Variants in SGTA observed in about 807,000 individuals in gnomAD.
SGTA encodes the protein small glutamine rich tetratricopeptide repeat co-chaperone alpha, also known as small glutamine-rich tetratricopeptide repeat-containing protein alpha.
SGTA carries 22 observed loss-of-function variants against 44.3 expected under a neutral mutation model. That is an observed-to-expected ratio of 0.50 (90% CI 0.36 to 0.71). The LOEUF (loss-of-function observed/expected upper bound fraction) is 0.71. Ranked by LOEUF, SGTA falls within the 30% of genes least tolerant of loss-of-function variation. SGTA has a pLI of 0.00. For missense variants in SGTA, 341 were observed against 435.9 expected (o/e 0.78, Z 1.94); for synonymous variants, 174 against 177.6 (o/e 0.98, Z 0.16).
At chr19:2,772,795 C>T (rs913165441) in intron 1 of SGTA, among the ~76,000 whole-genome samples, 1 of 144,118 alleles carries the variant, frequency 6.9e-6, no homozygotes, top group East Asian at 2.0e-4. Flanking sequence ...GCAGGGACAC[C>T]GAGGGCAGAG....
rs1915053527 is a variant in SGTA at position 2,763,285 on chromosome 19, C to T, written c.497+368G>A. ...CGCAGGCTCCTGCCCCGGGGACCCT[C>T]CTGGCCTCACTCTCGGACCTGTCCT... On this transcript the variant is annotated intron_variant, in intron 6 of 11. Transcript: ENST00000221566. This position sits in a 1 kb window ranked among gnomAD's most constrained non-coding sequence, Gnocchi z 5.8. Among the ~76,000 whole-genome samples the T allele has an allele frequency of 2.0e-5, 3 of 152,210 alleles. No individual in the cohort carries two copies. The highest frequency in any genetic ancestry group is 1.3e-4 in the Admixed American group (2 of 15,276).
chr19:2,759,135 A>G, intron 9 of SGTA, 122 bp downstream of exon 9: 1 of 844,628 alleles, frequency 1.2e-6, no homozygotes, highest in African/African-American at 1.7e-5. Context: ...TGACAGTGTG[A>G]AAGTCCTTAA....
intron 7 of SGTA, among the ~76,000 whole-genome samples, 170 bp downstream of exon 7, chr19:2,762,336 T>C (rs1399254295): frequency 6.6e-6 from 1 of 152,156 alleles, no homozygotes; most frequent in Non-Finnish European, 1.5e-5. Context: ...GGCATGAACC[T>C]TCTCACGACA....
intron 2 of SGTA, 71 bp downstream of exon 2, chr19:2,768,898 C>G (rs2144731142): frequency 1.8e-6 from 2 of 1,105,846 alleles, no homozygotes; most frequent in Middle Eastern, 2.3e-4. Context: ...ATCTACACAC[C>G]AGGTGTCTAC....
rs952971228 is a variant in SGTA at position 2,767,298 on chromosome 19, G to C, written c.208-78C>G. 5 of 1,119,234 alleles carry C rather than the reference G, an allele frequency of 4.5e-6. No individual in the cohort carries two copies. Among genetic ancestry groups the C allele is most frequent in the Non-Finnish European group, 6.5e-6 (5 of 771,598 alleles). 69.3% of individuals were successfully genotyped at this position (1,119,234 alleles called of 1,614,324 possible). A position where few individuals can be genotyped will look rare whatever the true frequency, so the allele number is the denominator to read the frequency against. ...CTCCGGCCTTAGCTTCCCTCGGGAC[G>C]CCAGAGAGGGCCACCAAGTTCCGAA... is the stretch of plus-strand genomic sequence containing the variant. On this transcript the variant is annotated intron_variant, in intron 3 of 11. Coordinates refer to ENST00000221566, the MANE Select transcript of SGTA (RefSeq NM_003021.4). This position sits in a 1 kb window ranked among gnomAD's most constrained non-coding sequence, Gnocchi z 7.3.
Position 2,763,377 on chromosome 19 carries a change from T to G in SGTA, c.497+276A>C, listed in dbSNP as rs1915056219. 6.6e-6 allele frequency among the ~76,000 whole-genome samples: 1 copy of G among 152,012 alleles called. No homozygotes were observed. The highest frequency in any genetic ancestry group is 6.6e-5 in the Admixed American group (1 of 15,266). On this transcript the variant is annotated intron_variant, in intron 6 of 11. Coordinates refer to ENST00000221566, the MANE Select transcript of SGTA (RefSeq NM_003021.4). The surrounding 1 kb of genome is among the most constrained non-coding windows in gnomAD (Gnocchi z 5.8). ...AGCCGCCCCAGCAAACAATGGAGCC[T>G]GAGTAGGAGCCATGGGAACCCCAGG...
chr19:2,758,168 G>A (rs539224863), intron 9 of SGTA, among the ~76,000 whole-genome samples: 7 of 152,278 alleles, frequency 4.6e-5, no homozygotes, highest in Admixed American at 1.3e-4. Context: ...TGCCCAGGAC[G>A]GCCCTGCTCC....
At chr19:2,774,406 T>C (rs2144737957) in intron 1 of SGTA, among the ~76,000 whole-genome samples, 1 of 152,286 alleles carries the variant, frequency 6.6e-6, no homozygotes, top group South Asian at 2.1e-4. Context: ...CTCACTGTGC[T>C]GCGGTCCCAG....
chr19:2,759,529 G>A lies in SGTA; in HGVS notation c.700-235C>T, dbSNP rs192953536. ...TGTTTTGGGTTCCTGCTTCAGGAGCGATCTCGCAGCGCCACAGCGCTCTCT... is the reference window on the plus strand; with the variant it reads ...TGTTTTGGGTTCCTGCTTCAGGAGCAATCTCGCAGCGCCACAGCGCTCTCT... On this transcript the variant is annotated intron_variant, in intron 8 of 11. Transcript: ENST00000221566. 1.2e-4 allele frequency: 64 copies of A among 547,840 alleles called. No individual in the cohort carries two copies. In the East Asian group the frequency reaches 1.7e-3, roughly 14 times the overall value. The allele number at this position is 547,840 out of a possible 1,614,324, so 33.9% of individuals were successfully genotyped here. A position where few individuals can be genotyped will look rare whatever the true frequency, so the allele number is the denominator to read the frequency against.
chr19:2,761,870 A>C lies in SGTA; in HGVS notation c.637-348T>G, dbSNP rs1190367406. 7.0e-6 allele frequency among the ~76,000 whole-genome samples: 1 copy of C among 143,308 alleles called. No homozygotes were observed. The highest frequency in any genetic ancestry group is 1.5e-5 in the Non-Finnish European group (1 of 66,498). The allele number at this position is 143,308 out of a possible 152,430, so 94.0% of individuals were successfully genotyped here. On this transcript the variant is annotated intron_variant, in intron 7 of 11. Coordinates refer to ENST00000221566, the MANE Select transcript of SGTA (RefSeq NM_003021.4). The surrounding 1 kb of genome is among the most constrained non-coding windows in gnomAD (Gnocchi z 5.7). The stretch of plus-strand genomic sequence containing the variant: ...CCGCCCGGGGACGGCACAGTCTATC[A>C]TCCCGTGTTTATTCCCCGTACAGCG...
intron 1 of SGTA, among the ~76,000 whole-genome samples, chr19:2,769,491 A>G (rs929793369): frequency 6.6e-6 from 1 of 152,214 alleles, no homozygotes; most frequent in Non-Finnish European, 1.5e-5. Flanking sequence ...TCCACTCCAG[A>G]GAACGATCCA....
intron 1 of SGTA, among the ~76,000 whole-genome samples, chr19:2,780,077 GACCCTGTCTCTAAAA>G (rs1418809632): frequency 1.3e-5 from 2 of 152,090 alleles, no homozygotes; most frequent in Non-Finnish European, 2.9e-5. Flanking sequence ...GACAAAGTGA[GACCCTGTCTCTAAAA>G]ACAAACAAAA....
chr19:2,761,598 C>T lies in SGTA; in HGVS notation c.637-76G>A. ...TGAATAACCCCCTGGAACTCAGAAA[C>T]AACGGCCCCCCACGGGGCTCAGACA... On this transcript the variant is annotated intron_variant, in intron 7 of 11. Transcript: ENST00000221566. This position sits in a 1 kb window ranked among gnomAD's most constrained non-coding sequence, Gnocchi z 5.7. 8.1e-7 allele frequency: 1 copy of T among 1,228,886 alleles called. No homozygotes were observed. The highest frequency in any genetic ancestry group is 1.2e-6 in the Non-Finnish European group (1 of 856,928). The allele number at this position is 1,228,886 out of a possible 1,614,324, so 76.1% of individuals were successfully genotyped here.
At position 2,773,982 on chromosome 19, in the gene SGTA, A is replaced by G. The variant is rs55714445; in HGVS notation, c.-23-4891T>C. On this transcript the variant is annotated intron_variant, in intron 1 of 11. Coordinates refer to ENST00000221566, the MANE Select transcript of SGTA (RefSeq NM_003021.4). ...GGTGACGCGGCCACAGGGCAGGGAC[A>G]CCGAGGGCAGAGATGGGTGACGCGG... is the stretch of plus-strand genomic sequence containing the variant. 4.0e-4 allele frequency among the ~76,000 whole-genome samples: 31 copies of G among 77,504 alleles called. No homozygotes were observed. The East Asian group carries it at 4.5e-3, about 11-fold the overall frequency. 50.8% of individuals were successfully genotyped at this position (77,504 alleles called of 152,430 possible).
At chr19:2,782,438 T>A (rs895174473) in intron 1 of SGTA, 1 of 152,260 alleles carries the variant, frequency 6.6e-6, no homozygotes, top group Non-Finnish European at 1.5e-5. Context: ...CAGCTCTCTC[T>A]TATCAAGTTC....
chr19:2,761,648 G>A lies in SGTA; in HGVS notation c.637-126C>T. 2.6e-6 allele frequency: 2 copies of A among 771,740 alleles called. No individual in the cohort carries two copies. The highest frequency in any genetic ancestry group is 4.3e-6 in the Non-Finnish European group (2 of 462,898). The allele number at this position is 771,740 out of a possible 1,614,324, so 47.8% of individuals were successfully genotyped here. ...ATTCTATCAACCCTGCGGCCAGAGG[G>A]TGCTTTGAGGCAGGCAGCACGAAGC... On this transcript the variant is annotated intron_variant, in intron 7 of 11. Transcript: ENST00000221566. This position sits in a 1 kb window ranked among gnomAD's most constrained non-coding sequence, Gnocchi z 5.7.
chr19:2,771,662 G>A (rs925149717), intron 1 of SGTA, among the ~76,000 whole-genome samples: 71 of 152,064 alleles, frequency 4.7e-4, no homozygotes, highest in African/African-American at 1.6e-3. Context: ...GGGTGCTGGT[G>A]CACCCTCCGT....
chr19:2,782,995 C>T (rs1385556747), intron 1 of SGTA, among the ~76,000 whole-genome samples: 1 of 152,264 alleles, frequency 6.6e-6, no homozygotes, highest in East Asian at 1.9e-4. Context: ...TCCTCGCCAC[C>T]AGGCCGCGGA....
intron 9 of SGTA, 49 bp downstream of exon 9, chr19:2,759,208 A>C: frequency 6.4e-7 from 1 of 1,567,680 alleles, no homozygotes; most frequent in Non-Finnish European, 8.8e-7. Context: ...CCCACAATAA[A>C]AGGAAATTTA....
Sources: allele counts gnomAD v4.1 joint callset (sites outside exome capture counted in the v4.1 genomes callset), GRCh38; gene constraint gnomAD v4.1.1; non-coding constraint Gnocchi (gnomAD v3.1); transcripts MANE v1.5; gene names NCBI Gene and HGNC (gene_info 2026-07-23, HGNC 2026-07-21).